The following ANXA8 variants were observed in gnomAD, a reference collection of about 807,000 sequenced individuals.
ANXA8 encodes annexin A8.
A neutral mutation model predicts 26.8 loss-of-function variants in ANXA8; 9 were observed. The observed-to-expected ratio is 0.34, with a 90% CI of 0.20 to 0.59. The LOEUF (loss-of-function observed/expected upper bound fraction) is 0.59, where lower values mean the gene tolerates loss of function less well. Among genes scored for constraint, ANXA8 ranks in the 20% least tolerant of loss-of-function variants. The probability of loss-of-function intolerance (pLI) is 0.84; values close to 1 mark genes in which losing one functional copy is unlikely to be tolerated. For missense variants in ANXA8, 83 were observed against 238.5 expected (o/e 0.35, Z 4.29); for synonymous variants, 39 against 94.8 (o/e 0.41, Z 3.42).
chr10:47,696,206 A>AT, the ANXA8 span, among the ~76,000 whole-genome samples: 5 of 151,774 alleles, frequency 3.3e-5, no homozygotes, highest in African/African-American at 4.8e-5. Context: ...TAAAGAAGCA[A>AT]TTTTGTTAAT....
the ANXA8 span, among the ~76,000 whole-genome samples, chr10:47,736,700 G>A: frequency 6.8e-6 from 1 of 148,074 alleles, no homozygotes; most frequent in Non-Finnish European, 1.5e-5. Context: ...TGTCACCCTG[G>A]CTGGAGTGCA....
At chr10:47,933,615 G>A in the ANXA8 span, among the ~76,000 whole-genome samples, 3 of 35,624 alleles carry the variant, frequency 8.4e-5, 1 homozygote, top group Admixed American at 4.6e-4. Context: ...CTGCTTAGCC[G>A]GCAGTAGCCA....
At chr10:47,647,653 T>C in the ANXA8 span, among the ~76,000 whole-genome samples, 1 of 149,462 alleles carries the variant, frequency 6.7e-6, no homozygotes, top group Non-Finnish European at 1.5e-5. Context: ...ATGTTTTGTA[T>C]ATAAAAAACT....
At chr10:47,745,045 G>A in the ANXA8 span, among the ~76,000 whole-genome samples, 39,381 of 149,736 alleles carry the variant, frequency 0.26, 4,658 homozygotes, top group Non-Finnish European at 0.37. Flanking sequence ...GGCATTGGGC[G>A]GGTAGCAGTG....
chr10:47,627,433 T>A, the ANXA8 span, among the ~76,000 whole-genome samples: 1 of 150,198 alleles, frequency 6.7e-6, no homozygotes, highest in Non-Finnish European at 1.5e-5. Flanking sequence ...CTGTTAACAA[T>A]GTAAATTTTG....
chr10:47,975,101 A>C, the ANXA8 span, among the ~76,000 whole-genome samples: 1 of 149,420 alleles, frequency 6.7e-6, no homozygotes, highest in African/African-American at 2.4e-5. Context: ...TTTTCTAGAA[A>C]TCTCTGATGG....
the ANXA8 span, among the ~76,000 whole-genome samples, chr10:47,494,885 G>A: frequency 1.3e-5 from 2 of 152,170 alleles, no homozygotes; most frequent in African/African-American, 2.4e-5. Flanking sequence ...GGAATGTCCT[G>A]GACCAGCAAG....
the ANXA8 span, chr10:47,590,069 A>G: frequency 4.1e-5 from 6 of 145,934 alleles, 2 homozygotes; most frequent in African/African-American, 1.1e-4. Context: ...CCTATTATTC[A>G]TTAAGAAATT....
chr10:47,656,989 G>A, the ANXA8 span, among the ~76,000 whole-genome samples: 1 of 150,248 alleles, frequency 6.7e-6, no homozygotes, highest in Non-Finnish European at 1.5e-5. Flanking sequence ...CATTGTTTCA[G>A]ACTATAACTA....
chr10:47,644,450 T>A, the ANXA8 span, among the ~76,000 whole-genome samples: 1 of 152,018 alleles, frequency 6.6e-6, no homozygotes, highest in Non-Finnish European at 1.5e-5. Context: ...AATACGCAAA[T>A]GAATGAGTGT....
At chr10:47,646,022 T>G in the ANXA8 span, among the ~76,000 whole-genome samples, 2 of 149,146 alleles carry the variant, frequency 1.3e-5, 1 homozygote, top group African/African-American at 5.2e-5. Flanking sequence ...CTCCCAAGAA[T>G]TATCTTCTTC....
chr10:47,945,028 G>A, the ANXA8 span, among the ~76,000 whole-genome samples: 3 of 150,346 alleles, frequency 2.0e-5, no homozygotes, highest in Admixed American at 6.6e-5. Flanking sequence ...ACTCCACCTG[G>A]CCTACAACTC....
chr10:47,705,990 CG>C, the ANXA8 span, among the ~76,000 whole-genome samples: 1 of 150,696 alleles, frequency 6.6e-6, no homozygotes, highest in Non-Finnish European at 1.5e-5. Flanking sequence ...CGGCCGGTCA[CG>C]TGGGCGTGTT....
the ANXA8 span, among the ~76,000 whole-genome samples, chr10:47,750,006 T>TA: frequency 1.3e-5 from 2 of 152,158 alleles, no homozygotes; most frequent in Admixed American, 6.5e-5. Context: ...ACATCAATTT[T>TA]AAATGGGTAT....
the ANXA8 span, among the ~76,000 whole-genome samples, chr10:47,615,887 T>C: frequency 2.1e-4 from 16 of 75,046 alleles, 8 homozygotes; most frequent in Non-Finnish European, 3.4e-4. Context: ...TAGTTGCATC[T>C]GCATGGCAGG....
At chr10:47,591,324 G>A in the ANXA8 span, among the ~76,000 whole-genome samples, 1 of 139,958 alleles carries the variant, frequency 7.1e-6, no homozygotes, top group Non-Finnish European at 1.5e-5. Flanking sequence ...GTGGCTAAAA[G>A]AAACATTCAT....
the ANXA8 span, among the ~76,000 whole-genome samples, chr10:47,589,928 G>GATAC: frequency 3.5e-5 from 5 of 144,388 alleles, no homozygotes; most frequent in Non-Finnish European, 5.9e-5. Flanking sequence ...TAGATAGATA[G>GATAC]ATAGATAGAT....
At chr10:47,492,371 C>T in the ANXA8 span, among the ~76,000 whole-genome samples, 1 of 147,716 alleles carries the variant, frequency 6.8e-6, no homozygotes, top group East Asian at 2.4e-4. Flanking sequence ...CAGTGCCCTC[C>T]TATCCCCTGG....
chr10:47,723,758 C>G, the ANXA8 span, among the ~76,000 whole-genome samples: 1 of 123,120 alleles, frequency 8.1e-6, no homozygotes, highest in African/African-American at 2.9e-5. Context: ...ATTTTCTCCT[C>G]CAGGCTCCAG....
Sources: gnomAD v4.1 joint callset for allele counts (sites outside exome capture counted in the v4.1 genomes callset) on GRCh38, gnomAD v4.1.1 for gene constraint, MANE v1.5 for transcripts, NCBI Gene and HGNC (gene_info 2026-07-23, HGNC 2026-07-21) for gene names.